TOP6BL: variants seen among roughly 807,000 people sequenced by gnomAD.
The protein encoded by TOP6BL is type 2 DNA topoisomerase 6 subunit B-like.
At chr11:66,817,706 G>T in the TOP6BL span, among the ~76,000 whole-genome samples, 2 of 151,966 alleles carry the variant, frequency 1.3e-5, no homozygotes, top group East Asian at 3.9e-4. Flanking sequence ...CAAAGTACTG[G>T]GATTACAGGT....
At chr11:66,783,371 G>A in the TOP6BL span, among the ~76,000 whole-genome samples, 1 of 152,160 alleles carries the variant, frequency 6.6e-6, no homozygotes, top group African/African-American at 2.4e-5. Context: ...CAGACAGACA[G>A]ACAGACAGAT....
chr11:66,759,024 T>G, the TOP6BL span: 1 of 1,528,888 alleles, frequency 6.5e-7, no homozygotes, highest in Non-Finnish European at 8.9e-7. Context: ...GATATTTCTT[T>G]GTATTCTGTT....
chr11:66,810,157 A>G, the TOP6BL span, among the ~76,000 whole-genome samples: 1 of 152,238 alleles, frequency 6.6e-6, no homozygotes, highest in South Asian at 2.1e-4. Flanking sequence ...ACATCTTTAT[A>G]AAGTACTGAG....
At chr11:66,764,665 CA>C in the TOP6BL span, among the ~76,000 whole-genome samples, 2,936 of 128,956 alleles carry the variant, frequency 0.023, 28 homozygotes, top group Non-Finnish European at 0.035. Context: ...ACTCCATCTC[CA>C]AAAAAAAAAA....
chr11:66,769,727 T>C, the TOP6BL span, among the ~76,000 whole-genome samples: 1 of 151,442 alleles, frequency 6.6e-6, no homozygotes, highest in South Asian at 2.1e-4. Context: ...TATTTATTTA[T>C]TTATTTACTT....
chr11:66,838,958 C>T, the TOP6BL span, among the ~76,000 whole-genome samples: 6 of 152,302 alleles, frequency 3.9e-5, no homozygotes, highest in East Asian at 5.8e-4. Context: ...GTCTCGATCT[C>T]CTGACCTTGT....
At chr11:66,755,724 A>G in the TOP6BL span, among the ~76,000 whole-genome samples, 17 of 152,266 alleles carry the variant, frequency 1.1e-4, no homozygotes, top group African/African-American at 3.6e-4. Context: ...AGGTCTTGGT[A>G]TGGTTGGTTT....
chr11:66,805,364 A>T, the TOP6BL span, among the ~76,000 whole-genome samples: 1 of 152,188 alleles, frequency 6.6e-6, no homozygotes, highest in Non-Finnish European at 1.5e-5. Flanking sequence ...TAAGGTAGGG[A>T]GAGATTAGGG....
the TOP6BL span, among the ~76,000 whole-genome samples, chr11:66,779,699 A>G: frequency 3.3e-5 from 5 of 152,204 alleles, no homozygotes; most frequent in South Asian, 4.1e-4. Flanking sequence ...GCTGCTATAA[A>G]GACACACGCA....
the TOP6BL span, among the ~76,000 whole-genome samples, chr11:66,820,280 T>C: frequency 6.6e-6 from 1 of 152,226 alleles, no homozygotes; most frequent in African/African-American, 2.4e-5. Context: ...AGGATCATGG[T>C]GCCTTGTGGT....
At chr11:66,826,137 C>T in the TOP6BL span, among the ~76,000 whole-genome samples, 46 of 152,280 alleles carry the variant, frequency 3.0e-4, no homozygotes, top group African/African-American at 1.1e-3. Context: ...GCCACCACGC[C>T]CTGGCCTGCT....
chr11:66,837,397 G>C, the TOP6BL span, among the ~76,000 whole-genome samples: 1 of 151,652 alleles, frequency 6.6e-6, no homozygotes. Flanking sequence ...AAAGTGCTGG[G>C]ATTACAGGCT....
At chr11:66,827,354 TCTC>T in the TOP6BL span, among the ~76,000 whole-genome samples, 15 of 152,270 alleles carry the variant, frequency 9.9e-5, no homozygotes, top group East Asian at 3.9e-4. Context: ...CCAGCCCACT[TCTC>T]CTTTTTGAAT....
At chr11:66,776,628 G>GA in the TOP6BL span, among the ~76,000 whole-genome samples, 10 of 151,306 alleles carry the variant, frequency 6.6e-5, no homozygotes, top group Non-Finnish European at 1.3e-4. Context: ...TCTCTTAGAA[G>GA]AAAAAAAAGT....
At chr11:66,841,593 TACA>T in the TOP6BL span, among the ~76,000 whole-genome samples, 2 of 152,210 alleles carry the variant, frequency 1.3e-5, no homozygotes, top group Admixed American at 6.5e-5. Context: ...CTTTCTGAAG[TACA>T]AAATTACCAA....
At chr11:66,766,914 A>C in the TOP6BL span, among the ~76,000 whole-genome samples, 1 of 152,162 alleles carries the variant, frequency 6.6e-6, no homozygotes, top group African/African-American at 2.4e-5. Context: ...CATTCCTTTC[A>C]GTGATATTGA....
the TOP6BL span, among the ~76,000 whole-genome samples, chr11:66,757,510 T>G: frequency 1.3e-5 from 2 of 152,226 alleles, no homozygotes; most frequent in African/African-American, 4.8e-5. Flanking sequence ...AAATGTTCTC[T>G]GTCTCCTGTT....
the TOP6BL span, among the ~76,000 whole-genome samples, chr11:66,753,509 C>G: frequency 6.7e-6 from 1 of 150,130 alleles, no homozygotes; most frequent in East Asian, 2.0e-4. Flanking sequence ...TGGGTTCACG[C>G]CATTCTCCTG....
chr11:66,761,327 C>A, the TOP6BL span, among the ~76,000 whole-genome samples: 1 of 151,384 alleles, frequency 6.6e-6, no homozygotes, highest in African/African-American at 2.4e-5. Context: ...GCCGAGATTG[C>A]GCCACTGCAC....
Sources: allele counts gnomAD v4.1 joint callset (sites outside exome capture counted in the v4.1 genomes callset), GRCh38; gene constraint gnomAD v4.1.1; transcripts MANE v1.5; gene names NCBI Gene and HGNC (gene_info 2026-07-23, HGNC 2026-07-21).